ACIN1: variants seen among roughly 807,000 people sequenced by gnomAD.
The protein encoded by ACIN1 is apoptotic chromatin condensation inducer in the nucleus.
A neutral mutation model predicts 146.6 loss-of-function variants in ACIN1; 16 were observed. The observed-to-expected ratio is 0.11, with a 90% CI of 0.07 to 0.17. The LOEUF is 0.17. Among genes scored for constraint, ACIN1 ranks in the 10% least tolerant of loss-of-function variants. The pLI, the probability that ACIN1 is intolerant of heterozygous loss-of-function variation, is 1.00. For synonymous variants in ACIN1, 569 were observed against 582.7 expected, an observed-to-expected ratio of 0.98 and a Z score of 0.34; for missense variants, 1,357 against 1,609.3, an observed-to-expected ratio of 0.84 and a Z score of 2.68.
chr14:23,086,219 C>T (rs1351362281), intron 4 of ACIN1, among the ~76,000 whole-genome samples: 1 of 152,174 alleles, frequency 6.6e-6, no homozygotes, highest in Non-Finnish European at 1.5e-5. Flanking sequence ...CTAGAATTTC[C>T]GCATCCAGGT....
intron 16 of ACIN1, 123 bp from the exon 17 acceptor site, chr14:23,061,745 G>A (rs534677705): frequency 4.6e-5 from 38 of 833,396 alleles, no homozygotes; most frequent in African/African-American, 1.2e-4. Flanking sequence ...AGGCCAAGGC[G>A]GTCAGATCAC....
Position 23,068,099 on chromosome 14 carries a change from G to C in ACIN1, c.2265+1377C>G. The C allele has an allele frequency of 1.0e-6, 1 of 985,898 alleles. No homozygotes were observed. Among genetic ancestry groups the C allele is most frequent in the Non-Finnish European group, 1.2e-6 (1 of 829,958 alleles). 61.1% of individuals were successfully genotyped at this position (985,898 alleles called of 1,614,324 possible). A position where few individuals can be genotyped will look rare whatever the true frequency, so the allele number is the denominator to read the frequency against. On this transcript the variant is annotated intron_variant, in intron 9 of 18. Coordinates refer to ENST00000605057, the MANE Select transcript of ACIN1 (RefSeq NM_001386863.1). This position sits in a 1 kb window ranked among gnomAD's most constrained non-coding sequence, Gnocchi z 4.3. The stretch of plus-strand genomic sequence containing the variant: ...AAAGGAAAGTCCATCTGATGAGCAA[G>C]TGGTGACACATGGGCTGGGCTGTCA...
chr14:23,094,945 T>G (rs763069621), intron 1 of ACIN1, 30 bp downstream of exon 1: 14 of 1,561,256 alleles, frequency 9.0e-6, no homozygotes, highest in Non-Finnish European at 1.2e-5. Flanking sequence ...TCCGCTCTCC[T>G]CCGACACCCC....
intron 8 of ACIN1, chr14:23,071,022 A>C (rs1220763495): frequency 7.3e-7 from 1 of 1,369,318 alleles, no homozygotes; most frequent in Non-Finnish European, 1.0e-6. Context: ...GACTGAAAAC[A>C]AACCAAAACG....
At chr14:23,093,600 C>G in intron 1 of ACIN1, 56 bp from the exon 2 acceptor site, 1 of 1,416,872 alleles carries the variant, frequency 7.1e-7, no homozygotes. Flanking sequence ...GAAAAACAAA[C>G]CCCCACCTCT....
chr14:23,079,441 C>G, intron 6 of ACIN1, 106 bp downstream of exon 6: 10 of 1,511,612 alleles, frequency 6.6e-6, no homozygotes, highest in Non-Finnish European at 8.9e-6. Flanking sequence ...GTAAAGGAGG[C>G]TTTTCCTATT....
At position 23,079,810 on chromosome 14, in the gene ACIN1, T is replaced by G; in HGVS notation, c.1525A>C (p.Ser509Arg). Residue 509 changes from serine (S) to arginine (R), a missense_variant, in exon 6 of 19, where the codon AGC becomes CGC. Physicochemically the swap from Ser to Arg is moderately radical, Grantham distance 110. Coordinates refer to ENST00000605057, the MANE Select transcript of ACIN1 (RefSeq NM_001386863.1). ...TCAGCTGACTGTTTCAATCTGTGGC[T>G]TGGGAGAAGGGTATGAGAAGCTCTT... ...GRRASHTLLP[S>R]HRLKQSADSS... is the part of the protein sequence containing the mutation. The G allele has an allele frequency of 6.2e-7, 1 of 1,614,166 alleles. No homozygotes were observed. The highest frequency in any genetic ancestry group is 1.3e-5 in the African/African-American group (1 of 75,018).
At chr14:23,085,040 G>C (rs1262106578) in intron 4 of ACIN1, among the ~76,000 whole-genome samples, 1 of 152,110 alleles carries the variant, frequency 6.6e-6, no homozygotes, top group Non-Finnish European at 1.5e-5. Flanking sequence ...AGGTTGGTCA[G>C]AGATAAATGT....
At chr14:23,077,614 A>G (rs1168351610) in intron 8 of ACIN1, among the ~76,000 whole-genome samples, 2 of 152,192 alleles carry the variant, frequency 1.3e-5, no homozygotes, top group African/African-American at 4.8e-5. Flanking sequence ...AGGGCCCAGG[A>G]ACAAACTTCT....
intron 4 of ACIN1, among the ~76,000 whole-genome samples, chr14:23,083,394 G>A (rs184803405): frequency 1.8e-4 from 27 of 152,148 alleles, no homozygotes; most frequent in Admixed American, 3.9e-4. Flanking sequence ...TTGAGAAAAA[G>A]GAGGGGCTGC....
chr14:23,067,450 C>T lies in ACIN1; in HGVS notation c.2266-1442G>A, dbSNP rs2047492607. On this transcript the variant is annotated intron_variant, in intron 9 of 18. Coordinates refer to ENST00000605057, the MANE Select transcript of ACIN1 (RefSeq NM_001386863.1). This position sits in a 1 kb window ranked among gnomAD's most constrained non-coding sequence, Gnocchi z 4.6. Reference sequence around the variant, plus strand: ...TGGGTTGGCAAAAAAGGTGGGCGCACGGCGTGGTAGTCAGCACGGCACTGC... The same window carrying T: ...TGGGTTGGCAAAAAAGGTGGGCGCATGGCGTGGTAGTCAGCACGGCACTGC... 7.2e-6 allele frequency: 7 copies of T among 966,064 alleles called. No individual in the cohort carries two copies. The highest frequency in any genetic ancestry group is 7.3e-6 in the Non-Finnish European group (6 of 824,910). 59.8% of individuals were successfully genotyped at this position (966,064 alleles called of 1,614,324 possible). A position where few individuals can be genotyped will look rare whatever the true frequency, so the allele number is the denominator to read the frequency against.
intron 4 of ACIN1, among the ~76,000 whole-genome samples, chr14:23,082,313 C>T (rs1373794767): frequency 2.6e-5 from 4 of 151,974 alleles, no homozygotes; most frequent in Non-Finnish European, 5.9e-5. Flanking sequence ...ATAACAAACT[C>T]AAGAAATAAA....
chr14:23,076,399 C>G (rs2047803524), intron 8 of ACIN1: 2 of 152,138 alleles, frequency 1.3e-5, no homozygotes, highest in African/African-American at 4.8e-5. Context: ...ATGCCACTTG[C>G]CTATCATCTT....
Position 23,068,682 on chromosome 14 carries a change from G to A in ACIN1, c.2265+794C>T. ...ACCGTACATGAGGTACTTGGACAAA[G>A]TTTTACGGGGAAGAAGGACCTTGTA... On this transcript the variant is annotated intron_variant, in intron 9 of 18. Coordinates refer to ENST00000605057, the MANE Select transcript of ACIN1 (RefSeq NM_001386863.1). This position sits in a 1 kb window ranked among gnomAD's most constrained non-coding sequence, Gnocchi z 4.3. 1.0e-6 allele frequency: 1 copy of A among 985,822 alleles called. No homozygotes were observed. Among genetic ancestry groups the A allele is most frequent in the Non-Finnish European group, 1.2e-6 (1 of 829,948 alleles). The allele number at this position is 985,822 out of a possible 1,614,324, so 61.1% of individuals were successfully genotyped here.
At position 23,059,404 on chromosome 14, in the gene ACIN1, T is replaced by G; in HGVS notation, c.3596A>C (p.Glu1199Ala). ...EREKRRKEQE[E>A]EEQKEREKEA... ...CTTCTCCCGCTCCTTTTGCTCTTCT[T>G]CTTCTTGCTCCTTTCGCCGCTTCTC... The change falls in exon 19 of 19, where the codon GAA becomes GCA. Residue 1199 changes from glutamate to alanine, a missense_variant. Physicochemically the swap from Glu to Ala is moderately radical, Grantham distance 107. This residue lies in a region of ACIN1 where 509 missense variants were observed against 719.6 expected (regional missense o/e 0.71). Transcript: ENST00000605057. 2 of 1,613,874 alleles carry G rather than the reference T, an allele frequency of 1.2e-6. No individual in the cohort carries two copies. Among genetic ancestry groups the G allele is most frequent in the Non-Finnish European group, 1.7e-6 (2 of 1,179,900 alleles).
intron 6 of ACIN1, 116 bp downstream of exon 6, chr14:23,079,431 G>A: frequency 6.8e-7 from 1 of 1,480,698 alleles, no homozygotes; most frequent in African/African-American, 1.4e-5. Flanking sequence ...GTGAAGGAGA[G>A]TAAAGGAGGC....
rs754267177 is a variant in ACIN1 at position 23,078,940 on chromosome 14, T to C, written c.1887A>G (p.Gln629=). 13 of 1,614,048 alleles carry C rather than the reference T, an allele frequency of 8.1e-6. No homozygotes were observed. Among genetic ancestry groups the C allele is most frequent in the South Asian group, 1.1e-5 (1 of 91,084 alleles). ...TCTCCTTTGGCTCACAGACCTGCAGTTGTGGCACTGGTGGAGTTGCAACCT... is the reference window on the plus strand; with the variant it reads ...TCTCCTTTGGCTCACAGACCTGCAGCTGTGGCACTGGTGGAGTTGCAACCT... ...GQEVATPPVP[Q]LQVCEPKERT... The change falls in exon 7 of 19, where the codon CAA becomes CAG. Residue 629 remains glutamine, a synonymous_variant. Coordinates refer to ENST00000605057, the MANE Select transcript of ACIN1 (RefSeq NM_001386863.1).
intron 8 of ACIN1, chr14:23,076,604 G>C (rs1392202859): frequency 6.6e-6 from 1 of 152,144 alleles, no homozygotes; most frequent in African/African-American, 2.4e-5. Context: ...TAAACCCACA[G>C]AATTTTAAGG....
chr14:23,089,871 G>C, intron 4 of ACIN1, 111 bp downstream of exon 4: 1 of 1,339,612 alleles, frequency 7.5e-7, no homozygotes, highest in Non-Finnish European at 9.8e-7. Flanking sequence ...CAATGTCACA[G>C]AATTTCCCTG....
Sources: allele counts gnomAD v4.1 joint callset (sites outside exome capture counted in the v4.1 genomes callset), GRCh38; gene constraint gnomAD v4.1.1; regional missense constraint gnomAD v4.1.1; non-coding constraint Gnocchi (gnomAD v3.1); transcripts MANE v1.5; gene names NCBI Gene and HGNC (gene_info 2026-07-23, HGNC 2026-07-21).